Variants in MTDH observed in about 807,000 individuals in gnomAD.
The protein encoded by MTDH is metadherin.
In MTDH, 34 loss-of-function variants were observed where a neutral mutation model predicts 72.7. The observed-to-expected ratio is 0.47, with a 90% CI of 0.36 to 0.62. The LOEUF (loss-of-function observed/expected upper bound fraction) is 0.62. Among genes scored for constraint, MTDH ranks in the 20% least tolerant of loss-of-function variants. The pLI is 0.00. For missense variants in MTDH, 677 were observed against 699.4 expected (o/e 0.97, Z 0.36); for synonymous variants, 266 against 268.9 (o/e 0.99, Z 0.10).
chr8:97,687,416 G>T lies in MTDH; in HGVS notation c.569-13G>T. On this transcript the variant is annotated splice_polypyrimidine_tract_variant and intron_variant, in intron 3 of 11. Transcript: ENST00000336273. Reference sequence around the variant, plus strand: ...CCTTACTGAATAACATTTTTTTTCTGGGGCTATGTCAGGAGCCTGGGAAAC... The same window carrying T: ...CCTTACTGAATAACATTTTTTTTCTTGGGCTATGTCAGGAGCCTGGGAAAC... 4 of 1,549,178 alleles carry T rather than the reference G, an allele frequency of 2.6e-6. No homozygotes were observed. The highest frequency in any genetic ancestry group is 3.5e-6 in the Non-Finnish European group (4 of 1,148,368).
At chr8:97,668,962 C>T (rs1294746421) in intron 2 of MTDH, among the ~76,000 whole-genome samples, 1 of 152,152 alleles carries the variant, frequency 6.6e-6, no homozygotes, top group Admixed American at 6.6e-5. Context: ...AAAACACTCC[C>T]CAATCTGAAA....
intron 2 of MTDH, among the ~76,000 whole-genome samples, chr8:97,663,558 A>C (rs555685300): frequency 5.3e-4 from 80 of 151,912 alleles, no homozygotes; most frequent in Non-Finnish European, 9.9e-4. Flanking sequence ...ACCATCCTGG[A>C]TAACATGGTG....
At chr8:97,702,589 C>G (rs1222736373) in intron 7 of MTDH, among the ~76,000 whole-genome samples, 1 of 152,188 alleles carries the variant, frequency 6.6e-6, no homozygotes, top group Non-Finnish European at 1.5e-5. Context: ...GTTGTTAACA[C>G]TGGAGAATGT....
chr8:97,709,424 G>A lies in MTDH; in HGVS notation c.1272+2674G>A, dbSNP rs537591854. On this transcript the variant is annotated intron_variant, in intron 8 of 11. Transcript: ENST00000336273. ...ATTTAACACAATAGAACCCATGAAT[G>A]GAATAAAGACTTTATCCTACATCAT... Among the ~76,000 whole-genome samples the A allele has an allele frequency of 5.3e-5, 8 of 152,138 alleles. No homozygotes were observed. The East Asian group carries it at 1.5e-3, about 29-fold the overall frequency.
chr8:97,697,159 T>G (rs1306447074), intron 6 of MTDH, among the ~76,000 whole-genome samples: 3 of 124,890 alleles, frequency 2.4e-5, no homozygotes, highest in East Asian at 2.6e-4. Context: ...TATTTTTTTT[T>G]TGTGGACCCA....
intron 1 of MTDH, 94 bp downstream of exon 1, chr8:97,644,981 A>AAG: frequency 7.2e-7 from 1 of 1,390,440 alleles, no homozygotes; most frequent in Non-Finnish European, 9.4e-7. Flanking sequence ...CGGGAAGGAA[A>AAG]AGAGTGCTTA....
At chr8:97,649,581 CTTTA>C (rs1275001341) in intron 1 of MTDH, among the ~76,000 whole-genome samples, 4 of 152,132 alleles carry the variant, frequency 2.6e-5, no homozygotes, top group African/African-American at 9.7e-5. Context: ...TTCTGTGTCT[CTTTA>C]TTTATGATTA....
At chr8:97,668,223 C>T (rs1423026328) in intron 2 of MTDH, among the ~76,000 whole-genome samples, 3 of 152,040 alleles carry the variant, frequency 2.0e-5, no homozygotes. Context: ...GGAGGCGGAG[C>T]TTGCAGTGAG....
rs540159284 is a variant in MTDH at position 97,677,501 on chromosome 8, AAAAG to A, written c.484-9151_484-9148del. On this transcript the variant is annotated intron_variant, in intron 2 of 11. Transcript: ENST00000336273. ...GCGAGACTCCATCTCAAAAAAAAAA[AAAAG>A]AAAGAAAGAAAGAAAAGAAAAAGGA... Among the ~76,000 whole-genome samples, 676 of 151,434 alleles carry A rather than the reference AAAAG, an allele frequency of 4.5e-3. 4 individuals are homozygous for A. Among genetic ancestry groups the A allele is most frequent in the African/African-American group, 6.9e-3 (283 of 41,180 alleles).
intron 6 of MTDH, among the ~76,000 whole-genome samples, chr8:97,693,618 G>A (rs1283665760): frequency 6.6e-6 from 1 of 152,102 alleles, no homozygotes; most frequent in Non-Finnish European, 1.5e-5. Flanking sequence ...GAGCCACCAT[G>A]CCCAGCCGTT....
At chr8:97,694,928 G>GA (rs918462491) in intron 6 of MTDH, among the ~76,000 whole-genome samples, 93 of 137,184 alleles carry the variant, frequency 6.8e-4, no homozygotes, top group South Asian at 9.2e-4. Context: ...CTCTCAAAAA[G>GA]AAAAAAAAAA....
intron 2 of MTDH, among the ~76,000 whole-genome samples, chr8:97,667,508 C>A (rs912403949): frequency 6.6e-6 from 1 of 152,126 alleles, no homozygotes; most frequent in South Asian, 2.1e-4. Flanking sequence ...GCTTGTGTGC[C>A]AAATTAGCCA....
intron 2 of MTDH, among the ~76,000 whole-genome samples, chr8:97,682,243 TATATATATATA>T: frequency 2.4e-4 from 1 of 4,236 alleles, no homozygotes; most frequent in South Asian, 3.9e-3. Context: ...TATATATATA[TATATATATATA>T]TATATATATA....
At position 97,728,876 on chromosome 8, in the gene MTDH, C is replaced by T; in HGVS notation, c.*4206C>T. The T allele has an allele frequency of 6.7e-6, 1 of 149,524 alleles. No homozygotes were observed. The allele number at this position is 149,524 out of a possible 1,614,324, so 9.3% of individuals were successfully genotyped here. On this transcript the variant is annotated 3_prime_UTR_variant, in exon 12 of 12. Transcript: ENST00000336273. Reference sequence around the variant, plus strand: ...GCAGGGTCAGGGATCCGGGTTCTTTCTATATTGTTCCTCCCCATTCTCAAC... The same window carrying T: ...GCAGGGTCAGGGATCCGGGTTCTTTTTATATTGTTCCTCCCCATTCTCAAC...
intron 6 of MTDH, among the ~76,000 whole-genome samples, chr8:97,692,374 T>C (rs1813644559): frequency 6.6e-6 from 1 of 150,930 alleles, no homozygotes; most frequent in South Asian, 2.1e-4. Flanking sequence ...AAGAAGTAAT[T>C]TTCCTTTTTT....
At chr8:97,669,597 C>G (rs1812530935) in intron 2 of MTDH, among the ~76,000 whole-genome samples, 2 of 152,032 alleles carry the variant, frequency 1.3e-5, no homozygotes, top group Admixed American at 1.3e-4. Flanking sequence ...AGGAGTGAGA[C>G]CCAGAATTAT....
In MTDH at chr8:97,722,953, C is replaced by T. The variant is rs748581516; in HGVS notation, c.1596C>T (p.Ser532=). 1 of 1,614,128 alleles carries T rather than the reference C, an allele frequency of 6.2e-7. No homozygotes were observed. Among genetic ancestry groups the T allele is most frequent in the Admixed American group, 1.7e-5 (1 of 60,006 alleles). The change falls in exon 11 of 12, where the codon AGC becomes AGT. Residue 532 remains serine, a synonymous_variant. Coordinates refer to ENST00000336273, the MANE Select transcript of MTDH (RefSeq NM_178812.4). ...TATCAAAAAGTGATTCTGACAAGAG[C>T]TCTTCCCAAGTGCCGCCAATACTAC... ...VILSKSDSDK[S]SSQVPPILQE...
chr8:97,708,381 A>C (rs1814458612), intron 8 of MTDH, among the ~76,000 whole-genome samples: 1 of 140,464 alleles, frequency 7.1e-6, no homozygotes, highest in Admixed American at 7.5e-5. Context: ...TCCCAGGTTC[A>C]AGTGATTCTC....
At chr8:97,721,898 G>A (rs186912563) in intron 10 of MTDH, among the ~76,000 whole-genome samples, 2 of 152,312 alleles carry the variant, frequency 1.3e-5, no homozygotes, top group African/African-American at 2.4e-5. Context: ...AGTTGCTTGA[G>A]TCAGTAGGAC....
Sources: allele counts gnomAD v4.1 joint callset (sites outside exome capture counted in the v4.1 genomes callset), GRCh38; gene constraint gnomAD v4.1.1; transcripts MANE v1.5; gene names NCBI Gene and HGNC (gene_info 2026-07-23, HGNC 2026-07-21).